NALCN: variants seen among roughly 807,000 people sequenced by gnomAD.
NALCN encodes the protein sodium leak channel NALCN.
NALCN carries 111 observed loss-of-function variants against 225.3 expected under a neutral mutation model. That is an observed-to-expected ratio of 0.49 (90% confidence interval 0.42 to 0.58). The LOEUF (loss-of-function observed/expected upper bound fraction) is 0.58. Among genes scored for constraint, NALCN ranks in the 20% least tolerant of loss-of-function variants. The pLI is 0.00. For missense variants in NALCN, 1,378 were observed against 2,202.4 expected, an observed-to-expected ratio of 0.63 and a Z score of 7.49; for synonymous variants, 764 against 769.0, an observed-to-expected ratio of 0.99 and a Z score of 0.11.
In NALCN at chr13:101,349,779, C is replaced by T. The variant is rs141667319; in HGVS notation, c.645-4359G>A. On this transcript the variant is annotated intron_variant, in intron 6 of 43. Coordinates refer to ENST00000251127, the MANE Select transcript of NALCN (RefSeq NM_052867.4). ...TTTCTCAATTCTCTGTCATCCTTTA[C>T]ATCGTTGTAGAGTCTTAGAGCTACA... Among the ~76,000 whole-genome samples the T allele has an allele frequency of 7.5e-4, 115 of 152,322 alleles. 1 individual carries two copies. The East Asian group carries it at 0.017, about 22-fold the overall frequency.
At chr13:101,415,936 G>C (rs2139576883) in intron 1 of NALCN, among the ~76,000 whole-genome samples, 1 of 152,288 alleles carries the variant, frequency 6.6e-6, no homozygotes, top group South Asian at 2.1e-4. Context: ...CCCAACACCT[G>C]CTAGATGCCC....
In NALCN at chr13:101,054,475, A is replaced by C. The variant is rs990461533; in HGVS notation, c.*820T>G. ...CACATGCAAAGATTTTTTTAAATAA[A>C]TTGAGCTATATAGTTTTATTCTTTT... On this transcript the variant is annotated 3_prime_UTR_variant, in exon 44 of 44. Transcript: ENST00000251127. 1.3e-5 allele frequency: 2 copies of C among 152,218 alleles called. No individual in the cohort carries two copies. Among genetic ancestry groups the C allele is most frequent in the Non-Finnish European group, 2.9e-5 (2 of 68,032 alleles). The allele number at this position is 152,218 out of a possible 1,614,324, so 9.4% of individuals were successfully genotyped here.
At chr13:101,106,443 A>T (rs1431871339) in intron 22 of NALCN, among the ~76,000 whole-genome samples, 1 of 152,242 alleles carries the variant, frequency 6.6e-6, no homozygotes, top group Non-Finnish European at 1.5e-5. Context: ...CTCCAACTAC[A>T]TAATGGGAAC....
At chr13:101,078,294 T>G (rs2033393568) in intron 34 of NALCN, among the ~76,000 whole-genome samples, 1 of 152,082 alleles carries the variant, frequency 6.6e-6, no homozygotes, top group Non-Finnish European at 1.5e-5. Context: ...AGGGCCACCA[T>G]CCTCCAGACT....
At chr13:101,304,036 T>A (rs1244281753) in intron 7 of NALCN, among the ~76,000 whole-genome samples, 1 of 152,206 alleles carries the variant, frequency 6.6e-6, no homozygotes, top group Admixed American at 6.5e-5. Context: ...ACTGTTCTTG[T>A]TCATCAACCA....
At position 101,258,529 on chromosome 13, in the gene NALCN, C is replaced by T; in HGVS notation, c.1180G>A (p.Val394Met). The change falls in exon 11 of 44, where the codon GTG (valine) becomes ATG (methionine). Residue 394 changes from valine (V) to methionine (M), a missense_variant. By Grantham distance (21) the Val-to-Met change is conservative (BLOSUM62 1). This residue lies in a region of NALCN where 144 missense variants were observed against 187.7 expected (regional missense o/e 0.77). Transcript: ENST00000251127. Reference sequence around the variant, plus strand: ...GCCGCCACGATCACGTCCACGGTCACCATGCTCAGGATGAACATGTGGAAA... The same window carrying T: ...GCCGCCACGATCACGTCCACGGTCATCATGCTCAGGATGAACATGTGGAAA... ...SVFHMFILSM[V>M]TVDVIVAASN... is the part of the protein sequence containing the mutation. 6.2e-7 allele frequency: 1 copy of T among 1,614,142 alleles called. No individual in the cohort carries two copies. Among genetic ancestry groups the T allele is most frequent in the African/African-American group, 1.3e-5 (1 of 75,022 alleles).
At chr13:101,115,001 T>A (rs1442341097) in intron 18 of NALCN, among the ~76,000 whole-genome samples, 2 of 152,188 alleles carry the variant, frequency 1.3e-5, no homozygotes, top group Non-Finnish European at 2.9e-5. Context: ...TCATGATTAT[T>A]TCTCAGCTCT....
At chr13:101,090,081 C>A (rs1046834410) in intron 28 of NALCN, 115 bp from the exon 29 acceptor site, 2 of 1,396,760 alleles carry the variant, frequency 1.4e-6, no homozygotes, top group African/African-American at 1.4e-5. Context: ...TGTGTATATA[C>A]ACACACATAT....
chr13:101,394,121 T>G (rs528316159), intron 3 of NALCN, among the ~76,000 whole-genome samples: 1 of 152,164 alleles, frequency 6.6e-6, no homozygotes, highest in East Asian at 1.9e-4. Context: ...ATTGGCTAAA[T>G]ATTGATAATT....
Position 101,055,334 on chromosome 13 carries a change from C to T in NALCN, c.5178G>A (p.Val1726=). 1.9e-6 allele frequency: 3 copies of T among 1,613,998 alleles called. No homozygotes were observed. The highest frequency in any genetic ancestry group is 2.2e-5 in the South Asian group (2 of 91,040). ...VKKWWTRQLT[V]ESDESGDDLL... Reference sequence around the variant, plus strand: ...GGTCATCCCCACTTTCGTCGCTCTCCACAGTCAGCTGCCGGGTCCACCACT... The same window carrying T: ...GGTCATCCCCACTTTCGTCGCTCTCTACAGTCAGCTGCCGGGTCCACCACT... Residue 1726 remains valine, a synonymous_variant, in exon 44 of 44, where the codon GTG becomes GTA. Coordinates refer to ENST00000251127, the MANE Select transcript of NALCN (RefSeq NM_052867.4).
At chr13:101,237,727 A>G (rs769004750) in intron 12 of NALCN, 28 bp downstream of exon 12, 3 of 1,471,888 alleles carry the variant, frequency 2.0e-6, no homozygotes, top group African/African-American at 2.9e-5. Flanking sequence ...ATAAATTTCT[A>G]AAGACAAATA....
At chr13:101,267,030 T>A (rs2042619582) in intron 10 of NALCN, among the ~76,000 whole-genome samples, 1 of 152,192 alleles carries the variant, frequency 6.6e-6, no homozygotes, top group African/African-American at 2.4e-5. Flanking sequence ...GGAATCCACA[T>A]GTCCATCTCC....
intron 1 of NALCN, among the ~76,000 whole-genome samples, chr13:101,411,919 T>C (rs1374686404): frequency 6.6e-6 from 1 of 152,228 alleles, no homozygotes; most frequent in African/African-American, 2.4e-5. Flanking sequence ...TCTACTGATA[T>C]TTTTCAGGAC....
chr13:101,073,819 T>A, intron 36 of NALCN, 142 bp from the exon 37 acceptor site: 1 of 622,138 alleles, frequency 1.6e-6, no homozygotes, highest in East Asian at 2.8e-5. Flanking sequence ...TATACCTTTT[T>A]ATTAATTTGT....
At chr13:101,365,704 C>A (rs74117893) in intron 6 of NALCN, among the ~76,000 whole-genome samples, 1 of 151,986 alleles carries the variant, frequency 6.6e-6, no homozygotes, top group African/African-American at 2.4e-5. Flanking sequence ...TCCTTAAAAT[C>A]GAATAACAGG....
chr13:101,407,860 T>C (rs1454722697), intron 1 of NALCN, among the ~76,000 whole-genome samples: 1 of 152,220 alleles, frequency 6.6e-6, no homozygotes, highest in Non-Finnish European at 1.5e-5. Context: ...TATAATTTCT[T>C]TGAAACAAGT....
Position 101,260,417 on chromosome 13 carries a change from C to T in NALCN, c.1135-1843G>A, listed in dbSNP as rs556807002. Among the ~76,000 whole-genome samples, 216 of 152,240 alleles carry T rather than the reference C, an allele frequency of 1.4e-3. 1 individual carries two copies. Among genetic ancestry groups the T allele is most frequent in the African/African-American group, 5.2e-3 (214 of 41,542 alleles). The stretch of plus-strand genomic sequence containing the variant: ...GTGGGATTGCTAAATTACAGCAGCT[C>T]AATTTTTAGTTTTTTGAGGAATGTT... On this transcript the variant is annotated intron_variant, in intron 10 of 43. Coordinates refer to ENST00000251127, the MANE Select transcript of NALCN (RefSeq NM_052867.4).
chr13:101,325,664 C>T (rs189316336), intron 7 of NALCN, among the ~76,000 whole-genome samples: 2 of 152,242 alleles, frequency 1.3e-5, no homozygotes, highest in East Asian at 3.9e-4. Context: ...GGCTGATATC[C>T]GTTTTATCCT....
intron 11 of NALCN, among the ~76,000 whole-genome samples, chr13:101,249,526 T>G (rs1371676235): frequency 3.3e-5 from 5 of 152,172 alleles, no homozygotes; most frequent in Non-Finnish European, 7.4e-5. Context: ...CCTAATATAA[T>G]GTCAGCTTAT....
Sources: allele counts gnomAD v4.1 joint callset (sites outside exome capture counted in the v4.1 genomes callset), GRCh38; gene constraint gnomAD v4.1.1; regional missense constraint gnomAD v4.1.1; transcripts MANE v1.5; gene names NCBI Gene and HGNC (gene_info 2026-07-23, HGNC 2026-07-21).